Variants in PRKCH observed in about 807,000 individuals in gnomAD.
PRKCH encodes protein kinase C eta, also known as protein kinase C eta type.
Under a neutral mutation model 82.5 loss-of-function variants are expected in PRKCH, and 28 were observed. The ratio of observed to expected loss-of-function variants is 0.34; its 90% CI spans 0.25 to 0.47. The LOEUF is 0.47. PRKCH is among the 20% of genes least tolerant of loss of function. The pLI, the probability that PRKCH is intolerant of heterozygous loss-of-function variation, is 1.00. For synonymous variants in PRKCH, 322 were observed against 327.4 expected (o/e 0.98, Z 0.18); for missense variants, 705 against 881.8 (o/e 0.80, Z 2.54).
chr14:61,212,720 T>C (rs1251691460), intron 1 of PRKCH, among the ~76,000 whole-genome samples: 1 of 152,222 alleles, frequency 6.6e-6, no homozygotes, highest in African/African-American at 2.4e-5. Flanking sequence ...CTGTGCTAAG[T>C]GCTGAGTATA....
chr14:61,346,403 T>G (rs11852137), intron 1 of PRKCH, among the ~76,000 whole-genome samples: 1 of 152,366 alleles, frequency 6.6e-6, no homozygotes, highest in South Asian at 2.1e-4. Flanking sequence ...CTGCATCATG[T>G]TGTACGTTCT....
At chr14:61,379,080 T>C (rs1317673056) in intron 1 of PRKCH, among the ~76,000 whole-genome samples, 1 of 152,258 alleles carries the variant, frequency 6.6e-6, no homozygotes, top group Non-Finnish European at 1.5e-5. Flanking sequence ...GAGGCCATTA[T>C]TGATTGGATG....
chr14:61,289,368 A>C (rs781065288), intron 1 of PRKCH, among the ~76,000 whole-genome samples: 9 of 152,228 alleles, frequency 5.9e-5, no homozygotes, highest in Non-Finnish European at 1.3e-4. Flanking sequence ...TTTATTCTGT[A>C]TTACTCCAGA....
At chr14:61,196,656 C>T (rs1169194842) in intron 1 of PRKCH, among the ~76,000 whole-genome samples, 1 of 152,106 alleles carries the variant, frequency 6.6e-6, no homozygotes, top group Non-Finnish European at 1.5e-5. Flanking sequence ...GGTGAAAGCC[C>T]CTTTCCAATC....
rs148812629 is a variant in PRKCH, at chr14:61,289,676, C to T, written c.-19+102008C>T. ...GAGCTATGATTGTGCCACTGCACTC[C>T]AGCCTGGGTGGCAGAGTGAGACCCT... On this transcript the variant is annotated intron_variant, in intron 1 of 3. Transcript: ENST00000555185. 9.6e-3 allele frequency among the ~76,000 whole-genome samples: 1,465 copies of T among 152,306 alleles called. 32 individuals are homozygous for T. Among genetic ancestry groups the T allele is most frequent in the African/African-American group, 0.033 (1,373 of 41,566 alleles).
In PRKCH at chr14:61,547,649, G is replaced by A. The variant is rs1434859741; in HGVS notation, c.1762-94G>A. 3.5e-5 allele frequency: 51 copies of A among 1,472,854 alleles called. 1 individual carries two copies. The highest frequency in any genetic ancestry group is 2.6e-4 in the South Asian group (19 of 74,492). The allele number at this position is 1,472,854 out of a possible 1,614,324, so 91.2% of individuals were successfully genotyped here. A position where few individuals can be genotyped will look rare whatever the true frequency, so the allele number is the denominator to read the frequency against. ...TAAGCAAGACCTGCCAGAAAGTCTC[G>A]CACAGCTCCTCTGCCATGGCTGATG... On this transcript the variant is annotated intron_variant, in intron 12 of 13. Transcript: ENST00000332981.
intron 1 of PRKCH, among the ~76,000 whole-genome samples, chr14:61,295,155 C>CA (rs2045396599): frequency 6.6e-6 from 1 of 152,122 alleles, no homozygotes; most frequent in Non-Finnish European, 1.5e-5. Flanking sequence ...CATGAGCCAC[C>CA]ACGCCTGGCT....
At chr14:61,492,726 C>A (rs918074320) in intron 10 of PRKCH, among the ~76,000 whole-genome samples, 1 of 152,056 alleles carries the variant, frequency 6.6e-6, no homozygotes, top group Admixed American at 6.6e-5. Flanking sequence ...GATGAGATGT[C>A]TGCCCTTTGA....
At chr14:61,535,886 G>A (rs1016752692) in intron 12 of PRKCH, among the ~76,000 whole-genome samples, 2 of 152,196 alleles carry the variant, frequency 1.3e-5, no homozygotes, top group Non-Finnish European at 2.9e-5. Context: ...GCTGAGTGAT[G>A]AGTACATGAG....
At chr14:61,436,936 C>T (rs76238981) in intron 2 of PRKCH, among the ~76,000 whole-genome samples, 4,362 of 152,342 alleles carry the variant, frequency 0.029, 236 homozygotes, top group African/African-American at 0.1. Context: ...CCAAGTTCTC[C>T]TTCCTCTTTT....
chr14:61,478,014 A>G (rs1321373868), intron 9 of PRKCH, among the ~76,000 whole-genome samples: 1 of 152,212 alleles, frequency 6.6e-6, no homozygotes, highest in Non-Finnish European at 1.5e-5. Context: ...CACGTGTGCC[A>G]CAGCCACAGC....
intron 12 of PRKCH, chr14:61,544,381 A>C (rs774066745): frequency 2.6e-5 from 4 of 152,210 alleles, no homozygotes; most frequent in Non-Finnish European, 5.9e-5. Context: ...CTAGCGTTTA[A>C]ATATTTGAGA....
rs118045162 is a variant in PRKCH, at chr14:61,497,250, A to G, written c.1433+11594A>G. Among the ~76,000 whole-genome samples, 280 of 152,194 alleles carry G rather than the reference A, an allele frequency of 1.8e-3. 2 individuals carry two copies. The highest frequency in any genetic ancestry group is 3.0e-3 in the Non-Finnish European group (206 of 68,020). On this transcript the variant is annotated intron_variant, in intron 10 of 13. Transcript: ENST00000332981. ...GGTTCTGCCACTTCTCTGTTGTGGGATCTTGATCAGGTTACTTTACCTCTC... is the reference window on the plus strand; with the variant it reads ...GGTTCTGCCACTTCTCTGTTGTGGGGTCTTGATCAGGTTACTTTACCTCTC...
At chr14:61,416,655 C>T (rs1882575338) in intron 2 of PRKCH, among the ~76,000 whole-genome samples, 1 of 152,028 alleles carries the variant, frequency 6.6e-6, no homozygotes, top group Non-Finnish European at 1.5e-5. Flanking sequence ...CTCTCTCTTT[C>T]CTCTCCCCAC....
intron 9 of PRKCH, among the ~76,000 whole-genome samples, chr14:61,470,666 A>G (rs10136473): frequency 0.2 from 30,264 of 151,730 alleles, 3,238 homozygotes; most frequent in South Asian, 0.39. Flanking sequence ...TTTTTAGCTC[A>G]CTCCTGCCCA....
rs1235195188 is a variant in PRKCH at position 61,461,851 on chromosome 14, A to T, written c.1278+4172A>T. Among the ~76,000 whole-genome samples, 5 of 152,348 alleles carry T rather than the reference A, an allele frequency of 3.3e-5. No individual in the cohort carries two copies. The East Asian group carries it at 5.8e-4, about 18-fold the overall frequency. On this transcript the variant is annotated intron_variant, in intron 9 of 13. Coordinates refer to ENST00000332981, the MANE Select transcript of PRKCH (RefSeq NM_006255.5). ...ACAGTATACCAAAATTTTAGCGGCC[A>T]CATGAGATTCCCAGTGTTTAGTGGG...
intron 2 of PRKCH, among the ~76,000 whole-genome samples, chr14:61,398,627 G>T (rs1441043943): frequency 6.6e-6 from 1 of 152,180 alleles, no homozygotes. Context: ...CCAAAAAGTA[G>T]AGGTAGTTTT....
At chr14:61,466,488 G>A (rs376617353) in intron 9 of PRKCH, among the ~76,000 whole-genome samples, 1 of 152,138 alleles carries the variant, frequency 6.6e-6, no homozygotes, top group Non-Finnish European at 1.5e-5. Context: ...CCTGGAGAGA[G>A]AGGAACAAAG....
At chr14:61,364,172 C>T (rs754863200) in intron 1 of PRKCH, among the ~76,000 whole-genome samples, 4 of 151,506 alleles carry the variant, frequency 2.6e-5, no homozygotes, top group Admixed American at 6.6e-5. Context: ...CATGCCTGGC[C>T]TGGAGACACT....
Sources: gnomAD v4.1 joint callset for allele counts (sites outside exome capture counted in the v4.1 genomes callset) on GRCh38, gnomAD v4.1.1 for gene constraint, MANE v1.5 for transcripts, NCBI Gene and HGNC (gene_info 2026-07-23, HGNC 2026-07-21) for gene names.